The following TRRAP variants were observed in gnomAD, a reference collection of about 807,000 sequenced individuals.
TRRAP encodes transformation/transcription domain-associated protein.
Under a neutral mutation model 438.8 loss-of-function variants are expected in TRRAP, and 41 were observed. That is an observed-to-expected ratio of 0.09 (90% CI 0.07 to 0.12). TRRAP has a LOEUF of 0.12. Ranked by LOEUF, TRRAP falls within the 10% of genes least tolerant of loss-of-function variation. The probability of loss-of-function intolerance (pLI) is 1.00; values close to 1 mark genes in which losing one functional copy is unlikely to be tolerated. For missense variants in TRRAP, 3,122 were observed against 5,055.1 expected (o/e 0.62, Z 11.60); for synonymous variants, 1,994 against 1,962.9 (o/e 1.02, Z -0.42).
intron 1 of TRRAP, among the ~76,000 whole-genome samples, chr7:98,878,987 G>A (rs1795291976): frequency 6.6e-6 from 1 of 152,064 alleles, no homozygotes. Flanking sequence ...GGACGTTGGG[G>A]GCCTGTCCCT....
intron 8 of TRRAP, among the ~76,000 whole-genome samples, chr7:98,899,112 C>T (rs1199374549): frequency 7.2e-5 from 11 of 152,016 alleles, no homozygotes; most frequent in Admixed American, 7.2e-4. Context: ...TGGCTTGAAC[C>T]CAGGAGGTGG....
At chr7:98,992,267 G>T (rs1305035162) in intron 65 of TRRAP, 40 bp downstream of exon 65, 1 of 1,605,326 alleles carries the variant, frequency 6.2e-7, no homozygotes, top group South Asian at 1.1e-5. Context: ...GCCGGGAAGG[G>T]CTCATTCCAG....
chr7:98,938,209 C>T (rs1554414735), intron 30 of TRRAP, among the ~76,000 whole-genome samples: 1 of 152,074 alleles, frequency 6.6e-6, no homozygotes, highest in African/African-American at 2.4e-5. Context: ...GTGGCACGTG[C>T]CTGTGGTCCC....
rs373558060 is a variant in TRRAP, at chr7:98,908,118, T to G, written c.1116-610T>G. Among the ~76,000 whole-genome samples, 3 of 152,332 alleles carry G rather than the reference T, an allele frequency of 2.0e-5. No homozygotes were observed. Among genetic ancestry groups the G allele is most frequent in the Admixed American group, 6.5e-5 (1 of 15,308 alleles). On this transcript the variant is annotated intron_variant, in intron 13 of 72. Coordinates refer to ENST00000456197, the MANE Select transcript of TRRAP (RefSeq NM_001375524.1). This position sits in a 1 kb window ranked among gnomAD's most constrained non-coding sequence, Gnocchi z 4.1. ...CTGTCCCTGGAACCCTGTTTAAGAATAGCTTGCCCCACTCATCTTTCTCAT... is the reference window on the plus strand; with the variant it reads ...CTGTCCCTGGAACCCTGTTTAAGAAGAGCTTGCCCCACTCATCTTTCTCAT...
At chr7:98,934,905 G>A (rs1408150465) in intron 27 of TRRAP, among the ~76,000 whole-genome samples, 1 of 152,124 alleles carries the variant, frequency 6.6e-6, no homozygotes, top group Admixed American at 6.5e-5. Flanking sequence ...ATCCTTTTCT[G>A]CTGTTTTAAG....
At chr7:98,991,005 G>A (rs772971459) in intron 64 of TRRAP, among the ~76,000 whole-genome samples, 4 of 152,172 alleles carry the variant, frequency 2.6e-5, no homozygotes, top group East Asian at 1.9e-4. Flanking sequence ...GGAGCTCTTC[G>A]GAGCTGCCCT....
Position 98,964,690 on chromosome 7 carries a change from C to G in TRRAP, c.6891C>G (p.Ile2297Met). Residue 2297 changes from isoleucine (I) to methionine (M), a missense_variant, in exon 48 of 73, where the codon ATC becomes ATG. Physicochemically the swap from Ile to Met is conservative, Grantham distance 10. Around this residue, in one of 24 missense-constraint regions of TRRAP, gnomAD observed 992 missense variants for 1,281.2 expected, o/e 0.77. Transcript: ENST00000456197. ...ACCCCAGCTACATAGACAGGCTGATCTCCGTCTTTATGCGCTCCCTGCAGA... is the reference window on the plus strand; with the variant it reads ...ACCCCAGCTACATAGACAGGCTGATGTCCGTCTTTATGCGCTCCCTGCAGA... Reference protein sequence around the residue: ...SNNPSYIDRLISVFMRSLQKM... With the variant: ...SNNPSYIDRLMSVFMRSLQKM... The G allele has an allele frequency of 6.2e-7, 1 of 1,614,130 alleles. No homozygotes were observed. The highest frequency in any genetic ancestry group is 8.5e-7 in the Non-Finnish European group (1 of 1,180,014).
chr7:98,999,776 C>A (rs891041388), intron 67 of TRRAP: 2 of 570,362 alleles, frequency 3.5e-6, no homozygotes, highest in Non-Finnish European at 6.3e-6. Flanking sequence ...TCTGAATTGC[C>A]GCTCACAAAT....
In TRRAP at chr7:98,950,921, A is replaced by G; in HGVS notation, c.5380A>G (p.Lys1794Glu). 1 of 1,604,114 alleles carries G rather than the reference A, an allele frequency of 6.2e-7. No homozygotes were observed. The highest frequency in any genetic ancestry group is 8.5e-7 in the Non-Finnish European group (1 of 1,176,736). ...TCCTGCTTTCTTGTACAGCTTTGAGAAGGGGGAAGGAGAGCAGCTCTTGGG... is the reference window on the plus strand; with the variant it reads ...TCCTGCTTTCTTGTACAGCTTTGAGGAGGGGGAAGGAGAGCAGCTCTTGGG... ...LNPAFLYSFEKGEGEQLLGPP... is the reference protein window; with the variant it reads ...LNPAFLYSFEEGEGEQLLGPP... The change falls in exon 39 of 73, where the codon AAG becomes GAG. Residue 1794 changes from lysine (K) to glutamate (E), a missense_variant. Around this residue, in one of 24 missense-constraint regions of TRRAP, gnomAD observed 272 missense variants for 348.5 expected, o/e 0.78. Transcript: ENST00000456197.
chr7:98,920,000 T>C (rs1189591489), intron 20 of TRRAP, among the ~76,000 whole-genome samples: 5 of 152,114 alleles, frequency 3.3e-5, no homozygotes, highest in African/African-American at 1.2e-4. Context: ...GGAGGGTAGA[T>C]GAGGTGAGAG....
At chr7:98,879,409 TGGGATG>T in intron 1 of TRRAP, among the ~76,000 whole-genome samples, 1 of 151,994 alleles carries the variant, frequency 6.6e-6, no homozygotes, top group South Asian at 2.1e-4. Flanking sequence ...TTGGGTCCCC[TGGGATG>T]GGGATGGGCA....
intron 30 of TRRAP, among the ~76,000 whole-genome samples, chr7:98,940,713 TTCATCCA>T (rs1313607146): frequency 6.6e-6 from 1 of 152,208 alleles, no homozygotes; most frequent in Non-Finnish European, 1.5e-5. Flanking sequence ...TCCAGACGTT[TTCATCCA>T]GCATCCACCT....
chr7:98,972,436 T>C (rs1177296926), intron 53 of TRRAP, among the ~76,000 whole-genome samples: 2 of 152,290 alleles, frequency 1.3e-5, no homozygotes, highest in South Asian at 4.1e-4. Context: ...AAAAAATGTG[T>C]GAGGAGACAT....
chr7:98,993,159 C>T (rs1433199051), intron 65 of TRRAP, among the ~76,000 whole-genome samples: 4 of 152,152 alleles, frequency 2.6e-5, no homozygotes, highest in African/African-American at 4.8e-5. Flanking sequence ...GATATTTTTC[C>T]AAACATTTAT....
In TRRAP at chr7:99,012,044, AGTC is replaced by A; in HGVS notation, c.11338-23_11338-21del. The A allele has an allele frequency of 6.2e-7, 1 of 1,606,194 alleles. No homozygotes were observed. Among genetic ancestry groups the A allele is most frequent in the Non-Finnish European group, 8.5e-7 (1 of 1,174,334 alleles). ...TGTGGGCTGTTCTTGGTTAAACACAAGTCGTCTCGTTCTCTCCCTCACGCAGGT... is the reference window on the plus strand; with the variant it reads ...TGTGGGCTGTTCTTGGTTAAACACAAGTCTCGTTCTCTCCCTCACGCAGGT... On this transcript the variant is annotated intron_variant, in intron 72 of 72. Transcript: ENST00000456197. This position sits in a 1 kb window ranked among gnomAD's most constrained non-coding sequence, Gnocchi z 5.9.
chr7:98,917,329 A>G (rs1477944237), intron 19 of TRRAP, 94 bp from the exon 20 acceptor site: 3 of 1,528,352 alleles, frequency 2.0e-6, no homozygotes, highest in African/African-American at 2.7e-5. Context: ...GCTGATGTGC[A>G]CAAGAGAAGG....
chr7:98,966,177 G>C (rs1420375359), intron 49 of TRRAP, among the ~76,000 whole-genome samples: 1 of 150,906 alleles, frequency 6.6e-6, no homozygotes, highest in Non-Finnish European at 1.5e-5. Context: ...ATGGTGGCGG[G>C]CGCCTGCAGT....
intron 4 of TRRAP, among the ~76,000 whole-genome samples, chr7:98,891,790 G>A (rs190274165): frequency 0.01 from 1,548 of 151,408 alleles, 28 homozygotes; most frequent in African/African-American, 0.035. Context: ...TGCCCACCTC[G>A]TCCTCCCAAA....
In TRRAP at chr7:98,990,527, G is replaced by A. The variant is rs1440244090; in HGVS notation, c.9664G>A (p.Val3222Met). The A allele has an allele frequency of 6.2e-7, 1 of 1,614,142 alleles. No individual in the cohort carries two copies. Among genetic ancestry groups the A allele is most frequent in the African/African-American group, 1.3e-5 (1 of 75,040 alleles). The change falls in exon 64 of 73, where the codon GTG becomes ATG. Residue 3222 changes from valine (V) to methionine (M), a missense_variant. By Grantham distance (21) the Val-to-Met change is conservative. Transcript: ENST00000456197. Reference protein sequence around the residue: ...ADAVDKYCIGVPPIQWLAWIP... With the variant: ...ADAVDKYCIGMPPIQWLAWIP... The stretch of plus-strand genomic sequence containing the variant: ...TGCCGTCGACAAGTACTGCATTGGT[G>A]TGCCACCCATCCAGTGGCTGGCCTG...
Sources: allele counts gnomAD v4.1 joint callset (sites outside exome capture counted in the v4.1 genomes callset), GRCh38; gene constraint gnomAD v4.1.1; regional missense constraint gnomAD v4.1.1; non-coding constraint Gnocchi (gnomAD v3.1); transcripts MANE v1.5; gene names NCBI Gene and HGNC (gene_info 2026-07-23, HGNC 2026-07-21).